VGLL4: variants seen among roughly 807,000 people sequenced by gnomAD.
The protein encoded by VGLL4 is transcription cofactor vestigial-like protein 4.
Under a neutral mutation model 21.0 loss-of-function variants are expected in VGLL4, and 7 were observed. That is an observed-to-expected ratio of 0.33 (90% confidence interval 0.19 to 0.63). VGLL4 has a LOEUF of 0.63. Among genes scored for constraint, VGLL4 ranks in the 20% least tolerant of loss-of-function variants. The pLI, the probability that VGLL4 is intolerant of heterozygous loss-of-function variation, is 0.78. For missense variants in VGLL4, 394 were observed against 425.7 expected (o/e 0.93, Z 0.66); for synonymous variants, 222 against 173.2 (o/e 1.28, Z -2.21).
chr3:11,650,787 C>T (rs2075859572), intron 2 of VGLL4, among the ~76,000 whole-genome samples: 1 of 151,708 alleles, frequency 6.6e-6, no homozygotes, highest in Admixed American at 6.6e-5. Context: ...TCAAAACAGA[C>T]CTTACTAATA....
intron 2 of VGLL4, among the ~76,000 whole-genome samples, chr3:11,686,425 G>A (rs944233408): frequency 2.6e-5 from 4 of 152,252 alleles, no homozygotes; most frequent in Admixed American, 6.5e-5. Flanking sequence ...GTCAAATATC[G>A]TATGATTCCA....
At chr3:11,583,430 G>T (rs550709169) in intron 2 of VGLL4, among the ~76,000 whole-genome samples, 1 of 152,268 alleles carries the variant, frequency 6.6e-6, no homozygotes, top group Admixed American at 6.5e-5. Flanking sequence ...CCAAATCTCA[G>T]GAGTGTAACT....
chr3:11,703,460 G>A (rs924127683), intron 1 of VGLL4, among the ~76,000 whole-genome samples: 4 of 152,126 alleles, frequency 2.6e-5, no homozygotes, highest in African/African-American at 4.8e-5. Flanking sequence ...CACACGCCAC[G>A]TACTCATGGA....
At chr3:11,642,645 G>A (rs949145549) in intron 1 of VGLL4, among the ~76,000 whole-genome samples, 7 of 152,204 alleles carry the variant, frequency 4.6e-5, no homozygotes, top group Non-Finnish European at 8.8e-5. Flanking sequence ...GGATGTCCGA[G>A]GGCTTAAGAA....
In VGLL4 at chr3:11,643,753, T is replaced by TC. The variant is rs1193805233; in HGVS notation, c.-236dup. 1.1e-4 allele frequency: 144 copies of TC among 1,256,878 alleles called. No individual in the cohort carries two copies. The highest frequency in any genetic ancestry group is 1.3e-4 in the Non-Finnish European group (132 of 998,920). 77.9% of individuals were successfully genotyped at this position (1,256,878 alleles called of 1,614,324 possible). A position where few individuals can be genotyped will look rare whatever the true frequency, so the allele number is the denominator to read the frequency against. On this transcript the variant is annotated 5_prime_UTR_variant, in exon 1 of 5. Coordinates refer to ENST00000430365, the MANE Select transcript of VGLL4 (RefSeq NM_001128219.3). ...ACTGGTAGACGGTGTATGTACTGTA[T>TC]CCCCGATCGAGTATGAAAACAGCGT...
Position 11,667,882 on chromosome 3 carries a change from C to T in VGLL4, c.64+35089G>A, listed in dbSNP as rs546473564. On this transcript the variant is annotated intron_variant, in intron 2 of 5. Coordinates refer to the VGLL4 transcript ENST00000273038. ...TTTTTTTTTTTTTTTGAGATGGTGT[C>T]TCACTCTGCTGCCCAGGCTAGAGTG... Among the ~76,000 whole-genome samples the T allele has an allele frequency of 2.6e-3, 276 of 105,020 alleles. 3 individuals are homozygous for T. Among genetic ancestry groups the T allele is most frequent in the African/African-American group, 9.9e-3 (272 of 27,576 alleles). The allele number at this position is 105,020 out of a possible 152,430, so 68.9% of individuals were successfully genotyped here.
Position 11,642,057 on chromosome 3 carries a change from C to T in VGLL4, c.82+1380G>A, listed in dbSNP as rs185442046. ...AAAAACAAGAAAAACAAAACCCTGA[C>T]TACAATGTGTGAATGTCACGGGAAA... On this transcript the variant is annotated intron_variant, in intron 1 of 4. Coordinates refer to ENST00000430365, the MANE Select transcript of VGLL4 (RefSeq NM_001128219.3). Among the ~76,000 whole-genome samples the T allele has an allele frequency of 1.3e-3, 194 of 150,486 alleles. 2 individuals are homozygous for T. Among genetic ancestry groups the T allele is most frequent in the African/African-American group, 4.5e-3 (184 of 41,022 alleles).
At chr3:11,586,384 A>T (rs1402294645) in intron 2 of VGLL4, among the ~76,000 whole-genome samples, 1 of 152,182 alleles carries the variant, frequency 6.6e-6, no homozygotes, top group Non-Finnish European at 1.5e-5. Flanking sequence ...GGAGATTATC[A>T]CCAAATTTGG....
chr3:11,561,198 C>G (rs1479017746), intron 3 of VGLL4, among the ~76,000 whole-genome samples: 1 of 152,168 alleles, frequency 6.6e-6, no homozygotes, highest in Non-Finnish European at 1.5e-5. Flanking sequence ...CGAGCGTGTC[C>G]TGACCCACGC....
At chr3:11,599,136 C>A (rs539512443) in intron 2 of VGLL4, among the ~76,000 whole-genome samples, 1 of 152,136 alleles carries the variant, frequency 6.6e-6, no homozygotes, top group African/African-American at 2.4e-5. Context: ...TGTCATTAGG[C>A]TCTTAGAAAA....
intron 1 of VGLL4, among the ~76,000 whole-genome samples, chr3:11,716,195 G>A (rs549250662): frequency 1.3e-5 from 2 of 151,768 alleles, no homozygotes; most frequent in African/African-American, 4.8e-5. Flanking sequence ...CCAGCTACTC[G>A]GGAGGCTGAG....
intron 2 of VGLL4, among the ~76,000 whole-genome samples, chr3:11,656,627 T>C (rs1160646898): frequency 6.6e-6 from 1 of 152,254 alleles, no homozygotes; most frequent in East Asian, 1.9e-4. Flanking sequence ...CAGTGTGTGG[T>C]GTCGCATTCT....
At chr3:11,606,252 C>G (rs1173928348) in intron 1 of VGLL4, among the ~76,000 whole-genome samples, 2 of 152,204 alleles carry the variant, frequency 1.3e-5, no homozygotes, top group African/African-American at 4.8e-5. Flanking sequence ...CCCACCAGGT[C>G]CCTCCCACAA....
intron 2 of VGLL4, chr3:11,582,305 A>G: frequency 6.2e-7 from 1 of 1,601,512 alleles, no homozygotes; most frequent in Non-Finnish European, 8.5e-7. Flanking sequence ...ATCATTGCCA[A>G]AGAGCATGAA....
chr3:11,578,078 C>T (rs1442215493), intron 2 of VGLL4, among the ~76,000 whole-genome samples: 1 of 152,188 alleles, frequency 6.6e-6, no homozygotes, highest in Non-Finnish European at 1.5e-5. Flanking sequence ...CGTTTCTGAA[C>T]GAAACACCAG....
At chr3:11,702,946 A>G (rs1403161693) in intron 2 of VGLL4, 2 of 1,600,690 alleles carry the variant, frequency 1.2e-6, no homozygotes, top group Admixed American at 3.4e-5. Context: ...CACTTAAGCT[A>G]TTTTATAATA....
chr3:11,720,412 C>T (rs529163754), exon 1 of VGLL4: 2 of 152,494 alleles, frequency 1.3e-5, no homozygotes, highest in South Asian at 2.1e-4. Flanking sequence ...ACAGGTCACA[C>T]CGGCTGCGGG....
intron 2 of VGLL4, among the ~76,000 whole-genome samples, chr3:11,682,723 G>A (rs2076394501): frequency 6.6e-6 from 1 of 152,004 alleles, no homozygotes; most frequent in East Asian, 1.9e-4. Context: ...ATAACGGACA[G>A]TTTAGTGAAG....
At chr3:11,623,109 C>A (rs1300920310) in intron 1 of VGLL4, among the ~76,000 whole-genome samples, 1 of 152,152 alleles carries the variant, frequency 6.6e-6, no homozygotes, top group Non-Finnish European at 1.5e-5. Flanking sequence ...TCACCTCATA[C>A]ATATCCAAAT....
Sources: allele counts gnomAD v4.1 joint callset (sites outside exome capture counted in the v4.1 genomes callset), GRCh38; gene constraint gnomAD v4.1.1; transcripts MANE v1.5; gene names NCBI Gene and HGNC (gene_info 2026-07-23, HGNC 2026-07-21).